MEGF11: variants seen among roughly 807,000 people sequenced by gnomAD.
MEGF11 encodes the protein multiple epidermal growth factor-like domains protein 11.
Under a neutral mutation model 146.6 loss-of-function variants are expected in MEGF11, and 126 were observed. That is an observed-to-expected ratio of 0.86 (90% confidence interval 0.74 to 1.00). The LOEUF (loss-of-function observed/expected upper bound fraction) is 1.00, where lower values mean the gene tolerates loss of function less well. MEGF11 is among the 50% of genes least tolerant of loss of function. The probability of loss-of-function intolerance (pLI) is 0.00; values close to 1 mark genes in which losing one functional copy is unlikely to be tolerated. For synonymous variants in MEGF11, 532 were observed against 583.4 expected (o/e 0.91, Z 1.27); for missense variants, 1,509 against 1,521.2 (o/e 0.99, Z 0.13).
intron 1 of MEGF11, among the ~76,000 whole-genome samples, chr15:66,173,251 C>T (rs1345596637): frequency 6.6e-6 from 1 of 152,162 alleles, no homozygotes; most frequent in Admixed American, 6.5e-5. Flanking sequence ...GATCTGGGGT[C>T]CAAGTTTCCA....
intron 10 of MEGF11, among the ~76,000 whole-genome samples, chr15:65,948,406 C>T (rs921284229): frequency 6.6e-6 from 1 of 152,046 alleles, no homozygotes; most frequent in African/African-American, 2.4e-5. Flanking sequence ...TGTTTTACAG[C>T]GTTACACCCT....
intron 1 of MEGF11, among the ~76,000 whole-genome samples, chr15:66,229,668 T>C (rs546265611): frequency 1.5e-3 from 234 of 152,160 alleles, no homozygotes; most frequent in African/African-American, 5.5e-3. Context: ...TCTGAGTCTC[T>C]CTCTGCTCTG....
At position 65,922,920 on chromosome 15, in the gene MEGF11, G is replaced by A. The variant is rs1279047031; in HGVS notation, c.1725C>T (p.Cys575=). The change falls in exon 14 of 26, where the codon TGC becomes TGT. Residue 575 remains cysteine, a synonymous_variant. Transcript: ENST00000395614. ...CATTCTCACAGCTGCAGGAGACAGA[G>A]CAGTTGGGGCCCCAGCGGCCAGGTG... ...TCPPGRWGPN[C]SVSCSCENGG... 3.7e-6 allele frequency: 6 copies of A among 1,613,258 alleles called. No individual in the cohort carries two copies. Among genetic ancestry groups the A allele is most frequent in the Non-Finnish European group, 5.1e-6 (6 of 1,179,738 alleles).
intron 5 of MEGF11, among the ~76,000 whole-genome samples, chr15:66,087,892 C>A (rs2414892): frequency 0.19 from 28,669 of 152,082 alleles, 2,921 homozygotes; most frequent in East Asian, 0.39. Flanking sequence ...AAAGCTGGTT[C>A]TTTGAAAAGA....
chr15:65,994,004 G>T (rs2082129473), intron 5 of MEGF11, among the ~76,000 whole-genome samples: 3 of 152,194 alleles, frequency 2.0e-5, no homozygotes, highest in African/African-American at 7.2e-5. Flanking sequence ...TCTCTGCCTG[G>T]AGCGGGGTTG....
intron 3 of MEGF11, 109 bp downstream of exon 3, chr15:66,123,790 G>C: frequency 1.2e-6 from 1 of 823,406 alleles, no homozygotes; most frequent in South Asian, 1.5e-5. Flanking sequence ...GTTCAGAGTG[G>C]AGGCGCGTGA....
In MEGF11 at chr15:66,241,849, G is replaced by A. The variant is rs16949728; in HGVS notation, c.-9+11756C>T. 4.1e-3 allele frequency among the ~76,000 whole-genome samples: 626 copies of A among 151,344 alleles called. 20 individuals carry two copies. The East Asian group carries it at 0.083, about 20-fold the overall frequency. ...CACAAGCACAAAGACATATACAGAC[G>A]TCCTCACATCCCTATCTACACCACC... is the stretch of plus-strand genomic sequence containing the variant. On this transcript the variant is annotated intron_variant, in intron 1 of 25. Transcript: ENST00000395614.
intron 1 of MEGF11, among the ~76,000 whole-genome samples, chr15:66,221,272 CG>C (rs1422419546): frequency 1.3e-5 from 2 of 152,114 alleles, no homozygotes; most frequent in South Asian, 2.1e-4. Flanking sequence ...GCCTGGGTCA[CG>C]GGCTCGCAGC....
At chr15:66,122,221 G>A (rs569064213) in intron 3 of MEGF11, among the ~76,000 whole-genome samples, 7 of 150,506 alleles carry the variant, frequency 4.7e-5, no homozygotes, top group Admixed American at 3.3e-4. Context: ...CTGAGATCGC[G>A]CCACTGCACT....
At position 65,982,569 on chromosome 15, in the gene MEGF11, G is replaced by C. The variant is rs1336776756; in HGVS notation, c.395-81C>G. On this transcript the variant is annotated intron_variant, in intron 5 of 25. Coordinates refer to ENST00000395614, the MANE Select transcript of MEGF11 (RefSeq NM_001385028.1). This position sits in a 1 kb window ranked among gnomAD's most constrained non-coding sequence, Gnocchi z 5.6. ...GGGGCCAGGAACCGATGCCCATGCG[G>C]CCTTCCCATCTTTGCAGCGCTGCTC... The C allele has an allele frequency of 3.6e-6, 5 of 1,393,498 alleles. No homozygotes were observed. The highest frequency in any genetic ancestry group is 4.7e-6 in the Non-Finnish European group (5 of 1,073,486). The allele number at this position is 1,393,498 out of a possible 1,614,324, so 86.3% of individuals were successfully genotyped here. A position where few individuals can be genotyped will look rare whatever the true frequency, so the allele number is the denominator to read the frequency against.
intron 10 of MEGF11, among the ~76,000 whole-genome samples, chr15:65,943,483 T>C (rs1162969382): frequency 1.3e-5 from 2 of 151,988 alleles, no homozygotes; most frequent in Non-Finnish European, 2.9e-5. Context: ...CTAGCGGTGG[T>C]ATATATTCCT....
chr15:65,910,575 A>C (rs2078770296), intron 21 of MEGF11, among the ~76,000 whole-genome samples: 1 of 151,994 alleles, frequency 6.6e-6, no homozygotes, highest in South Asian at 2.1e-4. Flanking sequence ...GGCTGAGGTG[A>C]CCCAGAGGGT....
chr15:66,082,672 CA>C (rs71139462), intron 5 of MEGF11, among the ~76,000 whole-genome samples: 2 of 39,150 alleles, frequency 5.1e-5, no homozygotes, highest in African/African-American at 2.2e-4. Context: ...GACTCTGTCT[CA>C]AAAAAAAAAA....
At chr15:65,967,997 G>A (rs549811485) in intron 8 of MEGF11, among the ~76,000 whole-genome samples, 40 of 152,284 alleles carry the variant, frequency 2.6e-4, no homozygotes, top group Admixed American at 9.1e-4. Context: ...TGAGGCAACT[G>A]CTCCAAGCTC....
At chr15:65,984,525 CAAAAAAAAAAAAAAA>C (rs35017296) in intron 5 of MEGF11, among the ~76,000 whole-genome samples, 15 of 49,518 alleles carry the variant, frequency 3.0e-4, no homozygotes, top group Non-Finnish European at 4.6e-4. Context: ...GACTCCGTGT[CAAAAAAAAAAAAAAA>C]AAAAAAAAAA....
intron 10 of MEGF11, among the ~76,000 whole-genome samples, chr15:65,934,548 G>A (rs1347617186): frequency 6.6e-6 from 1 of 152,208 alleles, no homozygotes; most frequent in African/African-American, 2.4e-5. Context: ...ACTGCACCTG[G>A]CCAAAAGTGA....
chr15:65,953,893 A>G (rs1055625195), intron 10 of MEGF11, among the ~76,000 whole-genome samples: 1 of 151,950 alleles, frequency 6.6e-6, no homozygotes, highest in Non-Finnish European at 1.5e-5. Flanking sequence ...CCTCACGTTT[A>G]TGTTGAGCCC....
intron 10 of MEGF11, among the ~76,000 whole-genome samples, chr15:65,956,435 G>GC (rs1329293214): frequency 6.6e-6 from 1 of 152,220 alleles, no homozygotes; most frequent in Non-Finnish European, 1.5e-5. Flanking sequence ...TAGCAACCTT[G>GC]CGAGGCAGGT....
At chr15:66,032,291 A>C (rs1167867021) in intron 5 of MEGF11, among the ~76,000 whole-genome samples, 3 of 152,258 alleles carry the variant, frequency 2.0e-5, no homozygotes, top group Non-Finnish European at 2.9e-5. Context: ...CAGTTATAGC[A>C]ATAGAAAACA....
Sources: gnomAD v4.1 joint callset for allele counts (sites outside exome capture counted in the v4.1 genomes callset) on GRCh38, gnomAD v4.1.1 for gene constraint, Gnocchi (gnomAD v3.1) non-coding constraint, MANE v1.5 for transcripts, NCBI Gene and HGNC (gene_info 2026-07-23, HGNC 2026-07-21) for gene names.